Variants in TRIM16 observed in about 807,000 individuals in gnomAD.
TRIM16 encodes the protein tripartite motif containing 16.
TRIM16 carries 33 observed loss-of-function variants against 50.4 expected under a neutral mutation model. The ratio of observed to expected loss-of-function variants is 0.65; its 90% CI spans 0.50 to 0.88. The LOEUF (loss-of-function observed/expected upper bound fraction) is 0.88, where lower values mean the gene tolerates loss of function less well. Ranked by LOEUF, TRIM16 falls within the 40% of genes least tolerant of loss-of-function variation. The pLI is 0.00. For missense variants in TRIM16, 581 were observed against 686.8 expected (o/e 0.85, Z 1.72); for synonymous variants, 229 against 270.7 (o/e 0.85, Z 1.51).
chr17:15,681,184 C>T, intron 3 of TRIM16: 1 of 361,476 alleles, frequency 2.8e-6, no homozygotes, highest in Non-Finnish European at 5.1e-6. Context: ...CTGCGTGAGC[C>T]ACTGCTCTGA....
chr17:15,683,902 G>A (rs1293121668), intron 1 of TRIM16: 1 of 152,218 alleles, frequency 6.6e-6, no homozygotes, highest in Non-Finnish European at 1.5e-5. Context: ...CCTGGTACAG[G>A]AGCCTTGGGC....
chr17:15,671,078 C>T (rs1339025165), intron 6 of TRIM16, among the ~76,000 whole-genome samples: 1 of 152,284 alleles, frequency 6.6e-6, no homozygotes, highest in Non-Finnish European at 1.5e-5. Context: ...ATTGGCATAT[C>T]TTCTGATACA....
intron 6 of TRIM16, among the ~76,000 whole-genome samples, chr17:15,676,289 T>A (rs1988939956): frequency 6.6e-6 from 1 of 152,106 alleles, no homozygotes; most frequent in African/African-American, 2.4e-5. Context: ...GGTTTAGACT[T>A]ATTATAGACA....
chr17:15,684,287 T>G lies in TRIM16; in HGVS notation c.-990A>C, dbSNP rs1379590900. On this transcript the variant is annotated 5_prime_UTR_variant, in exon 1 of 12. Transcript: ENST00000649191. ...GACACAGACTCGCCACGCGCGGAGA[T>G]CCTCCAGAGAAAGGGGCCGGAAACG... 6.6e-6 allele frequency: 1 copy of G among 152,006 alleles called. No homozygotes were observed. The highest frequency in any genetic ancestry group is 2.4e-5 in the African/African-American group (1 of 41,336). 9.4% of individuals were successfully genotyped at this position (152,006 alleles called of 1,614,324 possible).
chr17:15,676,879 G>A (rs971270971), intron 6 of TRIM16, among the ~76,000 whole-genome samples: 2 of 152,158 alleles, frequency 1.3e-5, no homozygotes, highest in African/African-American at 4.8e-5. Flanking sequence ...GATAAGGACA[G>A]AGTAAATGAA....
chr17:15,660,754 C>T (rs1014924229), intron 6 of TRIM16, among the ~76,000 whole-genome samples: 14 of 151,866 alleles, frequency 9.2e-5, no homozygotes, highest in African/African-American at 3.1e-4. Context: ...AAAAATTAGC[C>T]GGGCGTGGTG....
chr17:15,671,998 A>G (rs1172896475), intron 6 of TRIM16, among the ~76,000 whole-genome samples: 2 of 152,172 alleles, frequency 1.3e-5, no homozygotes, highest in Non-Finnish European at 2.9e-5. Context: ...TCCTCCGAAA[A>G]GACAGAAAGC....
intron 6 of TRIM16, among the ~76,000 whole-genome samples, chr17:15,653,113 G>A (rs963003312): frequency 1.3e-4 from 20 of 152,022 alleles, no homozygotes; most frequent in Middle Eastern, 3.2e-3. Flanking sequence ...GTGAGTTCTC[G>A]TTCTATCAAT....
chr17:15,631,123 C>A (rs1053517358), intron 11 of TRIM16, among the ~76,000 whole-genome samples: 3 of 152,046 alleles, frequency 2.0e-5, no homozygotes, highest in Admixed American at 6.6e-5. Flanking sequence ...CACTTGGTAA[C>A]TAGCCAGGAC....
chr17:15,630,731 G>C (rs1986372142), intron 11 of TRIM16, among the ~76,000 whole-genome samples: 1 of 150,524 alleles, frequency 6.6e-6, no homozygotes, highest in South Asian at 2.1e-4. Context: ...GAGGGAGGAG[G>C]ACTGCTTGAG....
chr17:15,650,818 A>G (rs1393620830), intron 7 of TRIM16, among the ~76,000 whole-genome samples: 1 of 152,196 alleles, frequency 6.6e-6, no homozygotes, highest in Non-Finnish European at 1.5e-5. Flanking sequence ...GCACAGCAGG[A>G]AACTAGCAAG....
chr17:15,669,643 CT>C (rs1474662362), intron 6 of TRIM16, among the ~76,000 whole-genome samples: 1 of 152,060 alleles, frequency 6.6e-6, no homozygotes. Context: ...TTTAAGTGTA[CT>C]TTTTGAAAAA....
At position 15,631,654 on chromosome 17, in the gene TRIM16, T is replaced by G; in HGVS notation, c.1076A>C (p.Lys359Thr). ...CTGTTCCCTGGTGCTGGGCTCAGGT[T>G]TGGAAGTCCAATATTTGCGCTGAAC... Reference protein sequence around the residue: ...AVVQRKYWTSKPEPSTREQFL... With the variant: ...AVVQRKYWTSTPEPSTREQFL... The change falls in exon 11 of 12, where the codon AAA becomes ACA. Residue 359 changes from lysine (K) to threonine (T), a missense_variant. Around this residue, in one of 3 missense-constraint regions of TRIM16, gnomAD observed 450 missense variants for 544.3 expected, o/e 0.83. Coordinates refer to ENST00000649191, the MANE Select transcript of TRIM16 (RefSeq NM_001348119.1). 1 of 1,613,912 alleles carries G rather than the reference T, an allele frequency of 6.2e-7. No individual in the cohort carries two copies. Among genetic ancestry groups the G allele is most frequent in the Non-Finnish European group, 8.5e-7 (1 of 1,179,872 alleles).
chr17:15,676,042 T>C (rs1988926395), intron 6 of TRIM16, among the ~76,000 whole-genome samples: 1 of 152,054 alleles, frequency 6.6e-6, no homozygotes, highest in Admixed American at 6.6e-5. Flanking sequence ...CTAAGATACA[T>C]TTGGCATGTC....
intron 4 of TRIM16, among the ~76,000 whole-genome samples, chr17:15,678,574 A>G (rs2530107): frequency 6.6e-6 from 1 of 152,164 alleles, no homozygotes; most frequent in African/African-American, 2.4e-5. Flanking sequence ...TGGAAGCCAT[A>G]TGGTAAAGAG....
At chr17:15,645,721 G>C (rs1292683467) in intron 7 of TRIM16, among the ~76,000 whole-genome samples, 2 of 152,224 alleles carry the variant, frequency 1.3e-5, no homozygotes, top group African/African-American at 4.8e-5. Flanking sequence ...CCTGGGGAGG[G>C]AAGCAGCTGC....
At position 15,651,214 on chromosome 17, in the gene TRIM16, A is replaced by C; in HGVS notation, c.396T>G (p.Pro132=). Residue 132 remains proline, a synonymous_variant, in exon 7 of 12, where the codon CCT becomes CCG. Transcript: ENST00000649191. ...AGGCAGACAGTGGGCTGTGGTGGGC[A>C]GGGCAGTATCGCCAGTTGTGGTCCT... is the stretch of plus-strand genomic sequence containing the variant. The part of the protein sequence containing the change: ...PVKDHNWRYC[P]AHHSPLSAFC... The C allele has an allele frequency of 1.2e-6, 2 of 1,614,216 alleles. No individual in the cohort carries two copies. The highest frequency in any genetic ancestry group is 1.7e-6 in the Non-Finnish European group (2 of 1,180,030).
chr17:15,646,578 T>C (rs4792641), intron 7 of TRIM16, among the ~76,000 whole-genome samples: 9,177 of 138,840 alleles, frequency 0.066, 655 homozygotes, highest in African/African-American at 0.18. Flanking sequence ...TCTCATCTGG[T>C]GCAAGACTAC....
chr17:15,661,829 G>A (rs1248588972), intron 6 of TRIM16, among the ~76,000 whole-genome samples: 1 of 151,664 alleles, frequency 6.6e-6, no homozygotes, highest in Non-Finnish European at 1.5e-5. Context: ...TTCCCACTCT[G>A]ACCCTGAAAT....
Sources: gnomAD v4.1 joint callset for allele counts (sites outside exome capture counted in the v4.1 genomes callset) on GRCh38, gnomAD v4.1.1 for gene constraint, gnomAD v4.1.1 regional missense constraint, MANE v1.5 for transcripts, NCBI Gene and HGNC (gene_info 2026-07-23, HGNC 2026-07-21) for gene names.